The following RBFOX1 variants were observed in gnomAD, a reference collection of about 807,000 sequenced individuals.
RBFOX1 encodes RNA binding fox-1 homolog 1.
In RBFOX1, 8 loss-of-function variants were observed where a neutral mutation model predicts 57.7. The ratio of observed to expected loss-of-function variants is 0.14; its 90% CI spans 0.08 to 0.25. The LOEUF (loss-of-function observed/expected upper bound fraction) is 0.25. Ranked by LOEUF, RBFOX1 falls within the 10% of genes least tolerant of loss-of-function variation. RBFOX1 has a pLI of 1.00. For missense variants in RBFOX1, 611 were observed against 548.5 expected, an observed-to-expected ratio of 1.11 and a Z score of -1.14; for synonymous variants, 326 against 222.4, an observed-to-expected ratio of 1.47 and a Z score of -4.15.
chr16:6,815,274 G>A (rs962873619), intron 3 of RBFOX1, among the ~76,000 whole-genome samples: 3 of 152,098 alleles, frequency 2.0e-5, no homozygotes, highest in East Asian at 1.9e-4. Flanking sequence ...GGTTTTGGCC[G>A]ACTTCTTTGC....
At chr16:7,396,446 T>G (rs984417573) in intron 4 of RBFOX1, among the ~76,000 whole-genome samples, 7 of 151,802 alleles carry the variant, frequency 4.6e-5, no homozygotes, top group African/African-American at 1.7e-4. Flanking sequence ...ACTCCCACCC[T>G]GAAGGTTTTT....
rs377508273 is a variant in RBFOX1 at position 5,868,621 on chromosome 16, C to T, written c.351+1286C>T. Among the ~76,000 whole-genome samples the T allele has an allele frequency of 5.3e-5, 8 of 152,258 alleles. 1 individual carries two copies. In the East Asian group the frequency reaches 9.7e-4, roughly 18 times the overall value. On this transcript the variant is annotated intron_variant, in intron 4 of 19. Transcript: ENST00000641259. ...AGTAACTTGGTGTGCAAAGGTTTTC[C>T]AGGAGCTGTGATGCATTCATAGTGT...
chr16:6,898,961 GTA>G (rs2153402681), intron 3 of RBFOX1, among the ~76,000 whole-genome samples: 1 of 151,632 alleles, frequency 6.6e-6, no homozygotes, highest in South Asian at 2.1e-4. Context: ...AATACATTGT[GTA>G]TGTGTATGAT....
intron 2 of RBFOX1, among the ~76,000 whole-genome samples, chr16:5,520,834 C>T (rs2043983737): frequency 6.6e-6 from 1 of 152,174 alleles, no homozygotes; most frequent in South Asian, 2.1e-4. Context: ...CAGTTATGTG[C>T]TTAGACTTGG....
chr16:7,345,224 G>C (rs909570895), intron 4 of RBFOX1, among the ~76,000 whole-genome samples: 5 of 152,200 alleles, frequency 3.3e-5, no homozygotes, highest in Admixed American at 3.3e-4. Flanking sequence ...TGGACAGCTT[G>C]CAAGCGATGT....
intron 2 of RBFOX1, among the ~76,000 whole-genome samples, chr16:6,517,091 T>A (rs1033283664): frequency 5.3e-5 from 8 of 152,138 alleles, no homozygotes; most frequent in Admixed American, 4.6e-4. Flanking sequence ...TCCAAGGTTG[T>A]GACACAGGAT....
intron 13 of RBFOX1, among the ~76,000 whole-genome samples, chr16:7,673,802 G>C (rs573420726): frequency 1.1e-4 from 16 of 152,302 alleles, no homozygotes; most frequent in African/African-American, 2.6e-4. Context: ...TGGGAGCGTA[G>C]AACTATTTTG....
intron 4 of RBFOX1, among the ~76,000 whole-genome samples, chr16:7,435,410 T>C (rs939165762): frequency 2.6e-5 from 4 of 152,132 alleles, no homozygotes; most frequent in Non-Finnish European, 4.4e-5. Flanking sequence ...CTTATCGCTG[T>C]TGATGTTCAC....
chr16:7,708,222 G>C lies in RBFOX1; in HGVS notation c.996-834G>C, dbSNP rs957599568. ...GCCCTGTCTAGTTATGCGACCTTGA[G>C]CAAGTGACTTCACTTGATTCCTTTA... On this transcript the variant is annotated intron_variant, in intron 14 of 15. Coordinates refer to ENST00000550418, the MANE Select transcript of RBFOX1 (RefSeq NM_018723.4). Among the ~76,000 whole-genome samples, 9 of 151,920 alleles carry C rather than the reference G, an allele frequency of 5.9e-5. No individual in the cohort carries two copies. The South Asian group carries it at 1.7e-3, about 28-fold the overall frequency.
At chr16:6,048,516 A>C (rs1596679305) in intron 1 of RBFOX1, among the ~76,000 whole-genome samples, 1 of 152,190 alleles carries the variant, frequency 6.6e-6, no homozygotes, top group Non-Finnish European at 1.5e-5. Flanking sequence ...TTTTCAAATG[A>C]TGCATCGTGG....
chr16:6,954,558 C>G (rs1016519680), intron 3 of RBFOX1, among the ~76,000 whole-genome samples: 1 of 152,124 alleles, frequency 6.6e-6, no homozygotes, highest in African/African-American at 2.4e-5. Context: ...CACCTGTTGT[C>G]CACCCCAATG....
intron 3 of RBFOX1, among the ~76,000 whole-genome samples, chr16:7,008,091 C>T (rs1250362749): frequency 6.6e-6 from 1 of 152,148 alleles, no homozygotes; most frequent in Non-Finnish European, 1.5e-5. Flanking sequence ...CACAGCTACT[C>T]CTCTTGCCCT....
intron 12 of RBFOX1, among the ~76,000 whole-genome samples, chr16:7,661,946 C>G (rs1036210952): frequency 6.6e-6 from 1 of 152,170 alleles, no homozygotes; most frequent in Non-Finnish European, 1.5e-5. Context: ...CATGTTCTTT[C>G]CTCACCTCTG....
chr16:7,031,350 C>G (rs1482949171), intron 3 of RBFOX1, among the ~76,000 whole-genome samples: 1 of 152,072 alleles, frequency 6.6e-6, no homozygotes, highest in Admixed American at 6.5e-5. Context: ...AATCTCAGCA[C>G]TTTGGGAGGC....
At chr16:5,761,552 A>G (rs1465660760) in intron 3 of RBFOX1, among the ~76,000 whole-genome samples, 1 of 152,208 alleles carries the variant, frequency 6.6e-6, no homozygotes, top group East Asian at 1.9e-4. Context: ...CTTACATGGC[A>G]GCAGGTAGGA....
At chr16:5,449,474 C>G (rs904480246) in intron 1 of RBFOX1, among the ~76,000 whole-genome samples, 7 of 152,138 alleles carry the variant, frequency 4.6e-5, no homozygotes, top group Non-Finnish European at 8.8e-5. Flanking sequence ...ACCCTAAACA[C>G]TACAAGGTTT....
rs2084254667 is a variant in RBFOX1 at position 7,187,690 on chromosome 16, C to CAGAAAAAAAAA, written c.27+135593_27+135594insGAAAAAAAAAA. On this transcript the variant is annotated intron_variant, in intron 4 of 15. Transcript: ENST00000550418. Reference sequence around the variant, plus strand: ...GGCAACAGAATGAGACTCTGTCTCACAAAAAAAAAAAAAAAAAAAAAAAAA... The same window carrying CAGAAAAAAAAA: ...GGCAACAGAATGAGACTCTGTCTCACAGAAAAAAAAAAAAAAAAAAAAAAAAAAAAAAAAAA... 4.1e-5 allele frequency among the ~76,000 whole-genome samples: 3 copies of CAGAAAAAAAAA among 72,568 alleles called. 1 individual carries two copies. The highest frequency in any genetic ancestry group is 1.9e-4 in the African/African-American group (3 of 15,876). The allele number at this position is 72,568 out of a possible 152,430, so 47.6% of individuals were successfully genotyped here.
At chr16:5,260,442 G>A (rs2062705956) in intron 1 of RBFOX1, among the ~76,000 whole-genome samples, 1 of 152,156 alleles carries the variant, frequency 6.6e-6, no homozygotes, top group Non-Finnish European at 1.5e-5. Flanking sequence ...GTAGCAAATT[G>A]AATGCTGTGT....
At chr16:7,164,281 C>T (rs890577507) in intron 4 of RBFOX1, among the ~76,000 whole-genome samples, 31 of 152,186 alleles carry the variant, frequency 2.0e-4, no homozygotes, top group African/African-American at 7.0e-4. Context: ...CAGGTTGCTG[C>T]AAATGCCATT....
Sources: gnomAD v4.1 joint callset for allele counts (sites outside exome capture counted in the v4.1 genomes callset) on GRCh38, gnomAD v4.1.1 for gene constraint, MANE v1.5 for transcripts, NCBI Gene and HGNC (gene_info 2026-07-23, HGNC 2026-07-21) for gene names.